Variants in GNPTAB observed in about 807,000 individuals in gnomAD.
The protein encoded by GNPTAB is N-acetylglucosamine-1-phosphotransferase subunits alpha/beta.
In GNPTAB, 92 loss-of-function variants were observed where a neutral mutation model predicts 136.6. That is an observed-to-expected ratio of 0.67 (90% CI 0.57 to 0.80). The LOEUF (loss-of-function observed/expected upper bound fraction) is 0.80, where lower values mean the gene tolerates loss of function less well. Among genes scored for constraint, GNPTAB ranks in the 30% least tolerant of loss-of-function variants. The pLI, the probability that GNPTAB is intolerant of heterozygous loss-of-function variation, is 0.00. For missense variants in GNPTAB, 1,343 were observed against 1,501.8 expected (o/e 0.89, Z 1.75); for synonymous variants, 512 against 535.1 (o/e 0.96, Z 0.60).
intron 1 of GNPTAB, among the ~76,000 whole-genome samples, chr12:101,824,417 T>C (rs199644437): frequency 2.6e-5 from 3 of 114,046 alleles, no homozygotes; most frequent in African/African-American, 6.7e-5. Flanking sequence ...TATATATATA[T>C]ATATATATAT....
At chr12:101,817,780 C>A (rs546444728) in intron 1 of GNPTAB, among the ~76,000 whole-genome samples, 1 of 152,140 alleles carries the variant, frequency 6.6e-6, no homozygotes, top group East Asian at 1.9e-4. Context: ...GGGAACATAG[C>A]GAGATCCTGT....
At chr12:101,796,337 T>C (rs985771841) in intron 2 of GNPTAB, 2 of 698,472 alleles carry the variant, frequency 2.9e-6, no homozygotes, top group East Asian at 2.7e-5. Flanking sequence ...TCTCTGTGAA[T>C]CAGATTTTTC....
intron 1 of GNPTAB, among the ~76,000 whole-genome samples, chr12:101,824,405 C>CATATATATAGATATATATAT (rs1870967384): frequency 2.1e-5 from 1 of 47,822 alleles, no homozygotes; most frequent in Non-Finnish European, 3.3e-5. Flanking sequence ...GAAATTTCAC[C>CATATATATAGATATATATAT]ATATATATAT....
At chr12:101,799,738 T>C (rs1869502809) in intron 1 of GNPTAB, among the ~76,000 whole-genome samples, 1 of 152,148 alleles carries the variant, frequency 6.6e-6, no homozygotes, top group Non-Finnish European at 1.5e-5. Context: ...AGTACTTCTA[T>C]TAAAGTTCTT....
At chr12:101,810,486 C>T (rs1442090416) in intron 1 of GNPTAB, 1 of 138,206 alleles carries the variant, frequency 7.2e-6, no homozygotes, top group African/African-American at 2.7e-5. Context: ...TAAACTAAAT[C>T]CACATTCTTT....
At position 101,757,217 on chromosome 12, in the gene GNPTAB, G is replaced by GT. The variant is rs281865017; in HGVS notation, c.3428dup (p.Asn1143LysfsTer3). On this transcript the variant is annotated frameshift_variant, in exon 18 of 21. Coordinates refer to ENST00000299314, the MANE Select transcript of GNPTAB (RefSeq NM_024312.5). LOFTEE classifies it high-confidence loss of function. ...TTATATATAAAAATCAGTACCTAGGGTTTTTTCTTATGTCATCCAACTGGC... is the reference window on the plus strand; with the variant it reads ...TTATATATAAAAATCAGTACCTAGGGTTTTTTTCTTATGTCATCCAACTGGC... 6 of 1,549,024 alleles carry GT rather than the reference G, an allele frequency of 3.9e-6. No individual in the cohort carries two copies. The East Asian group carries it at 1.1e-4, about 29-fold the overall frequency.
At chr12:101,761,406 T>C in intron 14 of GNPTAB, 60 bp from the exon 15 acceptor site, 1 of 1,532,964 alleles carries the variant, frequency 6.5e-7, no homozygotes, top group South Asian at 1.1e-5. Context: ...GTATCTAACA[T>C]TTGCAGAGAT....
chr12:101,771,028 A>G lies in GNPTAB; in HGVS notation c.901T>C (p.Tyr301His). The change falls in exon 8 of 21, where the codon TAT (tyrosine) becomes CAT (histidine). Residue 301 changes from tyrosine to histidine, a missense_variant. Physicochemically the swap from Tyr to His is moderately conservative, Grantham distance 83. Transcript: ENST00000299314. The stretch of plus-strand genomic sequence containing the variant: ...ATGGCGCTCAGATCCCATAATAAAT[A>G]TGCAGGACTTATGGTCAGTTCTTTT... ...DGKELTISPA[Y>H]LLWDLSAISQ... 6.2e-7 allele frequency: 1 copy of G among 1,614,114 alleles called. No individual in the cohort carries two copies. The highest frequency in any genetic ancestry group is 8.5e-7 in the Non-Finnish European group (1 of 1,179,964).
rs1384792819 is a variant in GNPTAB at position 101,753,460 on chromosome 12, A to G, written c.3514T>C (p.Tyr1172His). ...QTVKAVLRDF[Y>H]ESMFPIPSQF... ...GAAGGTATGGGGAACATGGATTCAT[A>G]GAAGTCCCTGAGAACAGCCTTCACT... Residue 1172 changes from tyrosine (Y) to histidine (H), a missense_variant, in exon 19 of 21, where the codon TAT becomes CAT. Coordinates refer to ENST00000299314, the MANE Select transcript of GNPTAB (RefSeq NM_024312.5). 1 of 1,613,562 alleles carries G rather than the reference A, an allele frequency of 6.2e-7. No homozygotes were observed. The highest frequency in any genetic ancestry group is 8.5e-7 in the Non-Finnish European group (1 of 1,179,590).
At chr12:101,815,493 T>TC (rs1342644570) in intron 1 of GNPTAB, among the ~76,000 whole-genome samples, 13 of 152,250 alleles carry the variant, frequency 8.5e-5, no homozygotes, top group African/African-American at 3.1e-4. Context: ...ACACCCATAG[T>TC]CCCAGCTACT....
At chr12:101,811,676 T>C (rs1367191590) in intron 1 of GNPTAB, among the ~76,000 whole-genome samples, 1 of 149,220 alleles carries the variant, frequency 6.7e-6, no homozygotes, top group African/African-American at 2.5e-5. Context: ...TCTCACTGTG[T>C]CACCCAGGCT....
intron 18 of GNPTAB, among the ~76,000 whole-genome samples, chr12:101,753,870 C>A (rs1482958766): frequency 6.6e-6 from 1 of 152,178 alleles, no homozygotes; most frequent in Non-Finnish European, 1.5e-5. Flanking sequence ...CAATCAGTGG[C>A]CAGGCATGGC....
At position 101,759,002 on chromosome 12, in the gene GNPTAB, A is replaced by T. The variant is rs1952946740; in HGVS notation, c.3249+1028T>A. Among the ~76,000 whole-genome samples, 4 of 152,170 alleles carry T rather than the reference A, an allele frequency of 2.6e-5. 1 individual carries two copies. In the South Asian group the frequency reaches 8.3e-4, roughly 32 times the overall value. On this transcript the variant is annotated intron_variant, in intron 16 of 20. Transcript: ENST00000299314. The stretch of plus-strand genomic sequence containing the variant: ...TGTGTGTTGTATATGTACTTGGAGG[A>T]TTTTTATAGTTCAACTCATACTGTC...
chr12:101,788,423 T>C lies in GNPTAB; in HGVS notation c.365+125A>G, dbSNP rs1225295121. On this transcript the variant is annotated intron_variant, in intron 4 of 20. Coordinates refer to ENST00000299314, the MANE Select transcript of GNPTAB (RefSeq NM_024312.5). ...TTCCTGTCTAATAGATGTACCTAATTTGGGGTCAAAAACTATATGGATAAT... is the reference window on the plus strand; with the variant it reads ...TTCCTGTCTAATAGATGTACCTAATCTGGGGTCAAAAACTATATGGATAAT... 45 of 722,470 alleles carry C rather than the reference T, an allele frequency of 6.2e-5. 1 individual carries two copies. Among genetic ancestry groups the C allele is most frequent in the East Asian group, 1.3e-4 (5 of 39,430 alleles). 44.8% of individuals were successfully genotyped at this position (722,470 alleles called of 1,614,324 possible). A position where few individuals can be genotyped will look rare whatever the true frequency, so the allele number is the denominator to read the frequency against.
Position 101,776,688 on chromosome 12 carries a change from A to T in GNPTAB, c.771+3464T>A, listed in dbSNP as rs566324436. 3.3e-5 allele frequency among the ~76,000 whole-genome samples: 5 copies of T among 152,346 alleles called. No individual in the cohort carries two copies. In the South Asian group the frequency reaches 1.0e-3, roughly 32 times the overall value. ...TCCTGTGAATAATCATACTGCTGAA[A>T]ATGTTTCCCTATATATCCCAAGATA... is the stretch of plus-strand genomic sequence containing the variant. On this transcript the variant is annotated intron_variant, in intron 7 of 20. Coordinates refer to ENST00000299314, the MANE Select transcript of GNPTAB (RefSeq NM_024312.5).
intron 11 of GNPTAB, among the ~76,000 whole-genome samples, chr12:101,766,562 C>T (rs988406819): frequency 1.6e-4 from 24 of 152,102 alleles, no homozygotes; most frequent in Non-Finnish European, 2.4e-4. Context: ...TGCTTGAACC[C>T]GGGAGGCGGA....
chr12:101,787,035 T>C (rs1408073648), intron 4 of GNPTAB, among the ~76,000 whole-genome samples: 1 of 152,236 alleles, frequency 6.6e-6, no homozygotes, highest in Non-Finnish European at 1.5e-5. Flanking sequence ...ACATGTATGC[T>C]TGTCTAATAC....
At chr12:101,754,566 C>T (rs1199154116) in intron 18 of GNPTAB, among the ~76,000 whole-genome samples, 1 of 151,982 alleles carries the variant, frequency 6.6e-6, no homozygotes. Context: ...ATAATTTCTG[C>T]TTACTATGTC....
At chr12:101,791,764 A>C (rs1033024817) in intron 2 of GNPTAB, among the ~76,000 whole-genome samples, 4 of 152,218 alleles carry the variant, frequency 2.6e-5, no homozygotes, top group African/African-American at 9.6e-5. Context: ...AATAAATGCT[A>C]TTTGGTAGCT....
Sources: gnomAD v4.1 joint callset for allele counts (sites outside exome capture counted in the v4.1 genomes callset) on GRCh38, gnomAD v4.1.1 for gene constraint, MANE v1.5 for transcripts, NCBI Gene and HGNC (gene_info 2026-07-23, HGNC 2026-07-21) for gene names.